The following KCNQ1 variants were observed in gnomAD, a reference collection of about 807,000 sequenced individuals.
KCNQ1 encodes the protein potassium voltage-gated channel subfamily KQT member 1.
Under a neutral mutation model 72.4 loss-of-function variants are expected in KCNQ1, and 49 were observed. The ratio of observed to expected loss-of-function variants is 0.68; its 90% CI spans 0.54 to 0.86. The LOEUF is 0.86. Ranked by LOEUF, KCNQ1 falls within the 40% of genes least tolerant of loss-of-function variation. The pLI is 0.00. For synonymous variants in KCNQ1, 450 were observed against 412.6 expected (o/e 1.09, Z -1.10); for missense variants, 790 against 945.1 (o/e 0.84, Z 2.15).
chr11:2,623,645 A>G lies in KCNQ1; in HGVS notation c.1393+34791A>G. 1 of 398,540 alleles carries G rather than the reference A, an allele frequency of 2.5e-6. No individual in the cohort carries two copies. The highest frequency in any genetic ancestry group is 4.4e-6 in the Non-Finnish European group (1 of 226,034). The allele number at this position is 398,540 out of a possible 1,614,324, so 24.7% of individuals were successfully genotyped here. ...GAATAATATTTCATTGCCTGGATGT[A>G]CTACAGTTTATCTGTCTACTCACCT... On this transcript the variant is annotated intron_variant, in intron 10 of 15. Transcript: ENST00000155840. This position sits in a 1 kb window ranked among gnomAD's most constrained non-coding sequence, Gnocchi z 5.2.
Position 2,645,783 on chromosome 11 carries a change from T to C in KCNQ1, c.1394-16178T>C, listed in dbSNP as rs188377653. ...AGAGGGATGTGGGGCCCACAGCAGA[T>C]GCAGTCTGGTGGGGGTTGGGCTATC... On this transcript the variant is annotated intron_variant, in intron 10 of 15. Transcript: ENST00000155840. The surrounding 1 kb of genome is among the most constrained non-coding windows in gnomAD (Gnocchi z 5.8). The C allele has an allele frequency of 1.6e-3, 642 of 398,720 alleles. 11 individuals carry two copies. The East Asian group carries it at 0.021, about 13-fold the overall frequency. The allele number at this position is 398,720 out of a possible 1,614,324, so 24.7% of individuals were successfully genotyped here.
In KCNQ1 at chr11:2,752,678, G is replaced by A. The variant is rs1317012735; in HGVS notation, c.1515-16166G>A. 6.6e-6 allele frequency among the ~76,000 whole-genome samples: 1 copy of A among 152,132 alleles called. No homozygotes were observed. The highest frequency in any genetic ancestry group is 1.5e-5 in the Non-Finnish European group (1 of 68,030). Reference sequence around the variant, plus strand: ...CAAGGGCACGCATCCTCTTCCTGAAGGCTCTGCCCTCACGGCCGAATCACC... The same window carrying A: ...CAAGGGCACGCATCCTCTTCCTGAAAGCTCTGCCCTCACGGCCGAATCACC... On this transcript the variant is annotated intron_variant, in intron 11 of 15. Transcript: ENST00000155840. The surrounding 1 kb of genome is among the most constrained non-coding windows in gnomAD (Gnocchi z 5.2).
chr11:2,577,316 C>T (rs560707467), intron 6 of KCNQ1, among the ~76,000 whole-genome samples: 4 of 152,288 alleles, frequency 2.6e-5, no homozygotes, highest in Admixed American at 6.5e-5. Context: ...TGGGAAGCAC[C>T]GCCGGAGTGT....
intron 1 of KCNQ1, among the ~76,000 whole-genome samples, chr11:2,520,116 G>A (rs1403462936): frequency 2.0e-5 from 3 of 152,254 alleles, no homozygotes; most frequent in Non-Finnish European, 2.9e-5. Flanking sequence ...AAGTGGTGGC[G>A]CTGGGGCCCC....
chr11:2,445,522 C>G (rs758293351), intron 1 of KCNQ1, 38 bp downstream of exon 1: 2 of 1,579,454 alleles, frequency 1.3e-6, no homozygotes, highest in South Asian at 1.1e-5. Context: ...CACGAAGGTG[C>G]TTCCTGAGAG....
At position 2,653,771 on chromosome 11, in the gene KCNQ1, C is replaced by T; in HGVS notation, c.1394-8190C>T. The T allele has an allele frequency of 2.5e-6, 1 of 398,660 alleles. No individual in the cohort carries two copies. Among genetic ancestry groups the T allele is most frequent in the East Asian group, 3.6e-5 (1 of 28,066 alleles). The allele number at this position is 398,660 out of a possible 1,614,324, so 24.7% of individuals were successfully genotyped here. Reference sequence around the variant, plus strand: ...TTATTGGCCTCAGCTGGGGTACAAGCCATCCTTGGACCTGCAGCTGTACCT... The same window carrying T: ...TTATTGGCCTCAGCTGGGGTACAAGTCATCCTTGGACCTGCAGCTGTACCT... On this transcript the variant is annotated intron_variant, in intron 10 of 15. Transcript: ENST00000155840. The surrounding 1 kb of genome is among the most constrained non-coding windows in gnomAD (Gnocchi z 5.3).
chr11:2,469,084 C>T lies in KCNQ1; in HGVS notation c.386+23600C>T, dbSNP rs535725305. 3.9e-5 allele frequency among the ~76,000 whole-genome samples: 6 copies of T among 152,216 alleles called. No homozygotes were observed. In the South Asian group the frequency reaches 6.2e-4, roughly 16 times the overall value. On this transcript the variant is annotated intron_variant, in intron 1 of 15. Coordinates refer to ENST00000155840, the MANE Select transcript of KCNQ1 (RefSeq NM_000218.3). ...TCTCCTTGTCAACACTTGGTGTGGT[C>T]GGTCTTTAATTTTAGCCAATCTAAC...
intron 2 of KCNQ1, among the ~76,000 whole-genome samples, chr11:2,530,877 A>C (rs1264354779): frequency 6.6e-6 from 1 of 151,970 alleles, no homozygotes; most frequent in Non-Finnish European, 1.5e-5. Context: ...ACGTGTGTTC[A>C]TGCCTGTGCT....
chr11:2,689,989 C>T (rs1850562216), intron 11 of KCNQ1: 1 of 398,704 alleles, frequency 2.5e-6, no homozygotes, highest in Admixed American at 4.4e-5. Context: ...AGACCTTTGC[C>T]CAAGCAGAGA....
In KCNQ1 at chr11:2,704,250, T is replaced by C. The variant is rs951078377; in HGVS notation, c.1514+42169T>C. 2.6e-5 allele frequency among the ~76,000 whole-genome samples: 4 copies of C among 152,216 alleles called. No individual in the cohort carries two copies. The highest frequency in any genetic ancestry group is 4.8e-5 in the African/African-American group (2 of 41,452). On this transcript the variant is annotated intron_variant, in intron 11 of 15. Coordinates refer to ENST00000155840, the MANE Select transcript of KCNQ1 (RefSeq NM_000218.3). This position sits in a 1 kb window ranked among gnomAD's most constrained non-coding sequence, Gnocchi z 4.3. ...TGTCCTTGTTCCAGAATCTTCCGCC[T>C]CCTGTGGCCTGTGTGTCGCCTGCAC... is the stretch of plus-strand genomic sequence containing the variant.
Position 2,681,475 on chromosome 11 carries a change from T to C in KCNQ1, c.1514+19394T>C, listed in dbSNP as rs1590028576. 1.3e-5 allele frequency: 5 copies of C among 398,536 alleles called. 1 individual carries two copies. In the East Asian group the frequency reaches 1.8e-4, roughly 14 times the overall value. 24.7% of individuals were successfully genotyped at this position (398,536 alleles called of 1,614,324 possible). On this transcript the variant is annotated intron_variant, in intron 11 of 15. Transcript: ENST00000155840. ...ATAACCTTAATGGCCTCAGGCTCCC[T>C]AGATGAGAAATGGGACTTAGTAAAG...
chr11:2,665,834 C>T (rs1185398870), intron 11 of KCNQ1: 2 of 398,506 alleles, frequency 5.0e-6, no homozygotes, highest in Non-Finnish European at 8.8e-6. Flanking sequence ...AGTGCTGAGG[C>T]ACAGGGCTAG....
intron 10 of KCNQ1, among the ~76,000 whole-genome samples, chr11:2,597,028 A>C (rs1848743064): frequency 6.6e-6 from 1 of 152,180 alleles, no homozygotes; most frequent in Non-Finnish European, 1.5e-5. Context: ...TCAAGATAGA[A>C]GTTAAAGGAT....
chr11:2,756,544 G>A (rs1440073546), intron 11 of KCNQ1, among the ~76,000 whole-genome samples: 1 of 152,098 alleles, frequency 6.6e-6, no homozygotes, highest in African/African-American at 2.4e-5. Context: ...TCAGGTTGAT[G>A]GTTACCCAGG....
At chr11:2,449,703 G>A (rs983883699) in intron 1 of KCNQ1, among the ~76,000 whole-genome samples, 1 of 152,196 alleles carries the variant, frequency 6.6e-6, no homozygotes, top group Non-Finnish European at 1.5e-5. Context: ...CCCACCGAGG[G>A]TGTCAGAGTG....
rs746821841 is a variant in KCNQ1 at position 2,536,675 on chromosome 11, C to T, written c.477+8657C>T. Among the ~76,000 whole-genome samples the T allele has an allele frequency of 5.9e-5, 9 of 152,284 alleles. No individual in the cohort carries two copies. Among genetic ancestry groups the T allele is most frequent in the South Asian group, 2.1e-4 (1 of 4,822 alleles). On this transcript the variant is annotated intron_variant, in intron 2 of 15. Transcript: ENST00000155840. The surrounding 1 kb of genome is among the most constrained non-coding windows in gnomAD (Gnocchi z 7.4). Reference sequence around the variant, plus strand: ...CTGGGCTTCAAAACCGGACACAGGGCGTGGCTCTCCCTCCCAGCCTGCCAG... The same window carrying T: ...CTGGGCTTCAAAACCGGACACAGGGTGTGGCTCTCCCTCCCAGCCTGCCAG...
rs1203515399 is a variant in KCNQ1, at chr11:2,579,618, G to T, written c.922-3817G>T. 6.6e-6 allele frequency among the ~76,000 whole-genome samples: 1 copy of T among 152,230 alleles called. No homozygotes were observed. Among genetic ancestry groups the T allele is most frequent in the Non-Finnish European group, 1.5e-5 (1 of 68,036 alleles). ...GTTAACTTGAGGATGAGGGTCTGGG[G>T]CCGGGTCTGGGCAGACAGGCAGACC... is the stretch of plus-strand genomic sequence containing the variant. On this transcript the variant is annotated intron_variant, in intron 6 of 15. Coordinates refer to ENST00000155840, the MANE Select transcript of KCNQ1 (RefSeq NM_000218.3). This position sits in a 1 kb window ranked among gnomAD's most constrained non-coding sequence, Gnocchi z 6.0.
rs1455309941 is a variant in KCNQ1 at position 2,767,168 on chromosome 11, A to G, written c.1515-1676A>G. ...GGCAATAGAGCGAGACTCCATCTAT[A>G]TGTGTGTGTGTGTGTGTATTTTTTT... is the stretch of plus-strand genomic sequence containing the variant. On this transcript the variant is annotated intron_variant, in intron 11 of 15. Coordinates refer to ENST00000155840, the MANE Select transcript of KCNQ1 (RefSeq NM_000218.3). The surrounding 1 kb of genome is among the most constrained non-coding windows in gnomAD (Gnocchi z 4.6). 1.3e-5 allele frequency among the ~76,000 whole-genome samples: 2 copies of G among 150,300 alleles called. No individual in the cohort carries two copies. The highest frequency in any genetic ancestry group is 2.4e-5 in the African/African-American group (1 of 40,930).
At chr11:2,806,724 C>T (rs1454496471) in intron 15 of KCNQ1, among the ~76,000 whole-genome samples, 1 of 152,260 alleles carries the variant, frequency 6.6e-6, no homozygotes, top group Non-Finnish European at 1.5e-5. Flanking sequence ...TACCAGACCA[C>T]TGCCCGGGAG....
Sources: allele counts gnomAD v4.1 joint callset (sites outside exome capture counted in the v4.1 genomes callset), GRCh38; gene constraint gnomAD v4.1.1; non-coding constraint Gnocchi (gnomAD v3.1); transcripts MANE v1.5; gene names NCBI Gene and HGNC (gene_info 2026-07-23, HGNC 2026-07-21).